Variants in CDC45 observed in about 807,000 individuals in gnomAD.
The protein encoded by CDC45 is cell division cycle 45.
In CDC45, 54 loss-of-function variants were observed where a neutral mutation model predicts 77.8. That is an observed-to-expected ratio of 0.69 (90% confidence interval 0.56 to 0.87). CDC45 has a LOEUF of 0.87. Among genes scored for constraint, CDC45 ranks in the 40% least tolerant of loss-of-function variants. CDC45 has a pLI of 0.00. For synonymous variants in CDC45, 260 were observed against 272.1 expected (o/e 0.96, Z 0.44); for missense variants, 649 against 721.6 (o/e 0.90, Z 1.15).
chr22:19,499,515 C>A (rs972023845), intron 9 of CDC45, among the ~76,000 whole-genome samples: 1 of 151,556 alleles, frequency 6.6e-6, no homozygotes, highest in East Asian at 1.9e-4. Context: ...AGGTTGGGGG[C>A]GGGATGAGAG....
At chr22:19,487,682 G>A (rs916953050) in intron 5 of CDC45, among the ~76,000 whole-genome samples, 6 of 152,172 alleles carry the variant, frequency 3.9e-5, no homozygotes, top group African/African-American at 1.4e-4. Flanking sequence ...GGGAGGCCGA[G>A]GTGGGTGGAT....
chr22:19,511,787 TG>T (rs1933526948), intron 13 of CDC45, among the ~76,000 whole-genome samples: 2 of 152,226 alleles, frequency 1.3e-5, no homozygotes, highest in South Asian at 4.1e-4. Flanking sequence ...CTTTTTCTTT[TG>T]TTTCTTGTGC....
intron 6 of CDC45, among the ~76,000 whole-genome samples, chr22:19,495,338 A>G (rs901728206): frequency 2.0e-5 from 3 of 152,232 alleles, no homozygotes; most frequent in African/African-American, 7.2e-5. Flanking sequence ...ATATTTTGCC[A>G]TTATAAATAA....
In CDC45 at chr22:19,482,720, GCT is replaced by G; in HGVS notation, c.236_237del (p.Ala79GlufsTer11). The G allele has an allele frequency of 6.2e-7, 1 of 1,612,864 alleles. No individual in the cohort carries two copies. Among genetic ancestry groups the G allele is most frequent in the East Asian group, 2.2e-5 (1 of 44,876 alleles). Reference protein sequence around the residue: ...FHYFILINCGANVDLLDILQP... With the variant: ...FHYFILINCGXNVDLLDILQP... ...TTATTTTATTCTCATAAACTGTGGA[GCT>G]AATGTAGACCTATTGGATATTCTTC... On this transcript the variant is annotated frameshift_variant, in exon 4 of 19. Transcript: ENST00000263201. LOFTEE classifies it high-confidence loss of function.
intron 5 of CDC45, among the ~76,000 whole-genome samples, chr22:19,486,902 T>G (rs1334170658): frequency 6.6e-6 from 1 of 152,118 alleles, no homozygotes; most frequent in Non-Finnish European, 1.5e-5. Flanking sequence ...GGTCTCGATC[T>G]CCTGACCTCA....
chr22:19,501,442 A>G (rs1482782394), intron 9 of CDC45, among the ~76,000 whole-genome samples: 6 of 152,166 alleles, frequency 3.9e-5, no homozygotes, highest in Non-Finnish European at 7.4e-5. Context: ...AGTTTTCTCC[A>G]TGCAACTGGC....
At chr22:19,518,182 C>T (rs1401111441) in intron 17 of CDC45, among the ~76,000 whole-genome samples, 3 of 152,200 alleles carry the variant, frequency 2.0e-5, no homozygotes, top group African/African-American at 4.8e-5. Flanking sequence ...AGGGAGGACT[C>T]GGGCTGGGAA....
intron 5 of CDC45, among the ~76,000 whole-genome samples, chr22:19,488,454 T>C (rs2090106539): frequency 1.3e-5 from 2 of 152,294 alleles, no homozygotes; most frequent in South Asian, 2.1e-4. Flanking sequence ...GGTCTCTCCA[T>C]TGAATGTGAC....
Position 19,505,386 on chromosome 22 carries a change from T to C in CDC45, c.729T>C (p.Gly243=). ...ITQMKYVTDV[G]VLQRHVSRHN... ...GAATGAAATACGTGACTGATGTTGGTGTCCTGCAGCGCCACGTTTCCCGCC... is the reference window on the plus strand; with the variant it reads ...GAATGAAATACGTGACTGATGTTGGCGTCCTGCAGCGCCACGTTTCCCGCC... The change falls in exon 10 of 19, where the codon GGT becomes GGC. Residue 243 remains glycine, a synonymous_variant. Coordinates refer to ENST00000263201, the MANE Select transcript of CDC45 (RefSeq NM_003504.5). The C allele has an allele frequency of 6.2e-7, 1 of 1,613,982 alleles. No individual in the cohort carries two copies. Among genetic ancestry groups the C allele is most frequent in the Non-Finnish European group, 8.5e-7 (1 of 1,179,988 alleles).
chr22:19,511,201 A>G (rs764953316), intron 13 of CDC45, among the ~76,000 whole-genome samples: 13 of 152,124 alleles, frequency 8.5e-5, no homozygotes, highest in African/African-American at 1.2e-4. Context: ...CCTAGTGAGT[A>G]TGAAGTGGTA....
At chr22:19,491,131 C>G (rs2090147516) in intron 5 of CDC45, among the ~76,000 whole-genome samples, 1 of 152,090 alleles carries the variant, frequency 6.6e-6, no homozygotes, top group African/African-American at 2.4e-5. Flanking sequence ...CTGGCCTTGT[C>G]TTCTCTTAAT....
chr22:19,500,645 C>T (rs1222494997), intron 9 of CDC45, among the ~76,000 whole-genome samples: 1 of 152,140 alleles, frequency 6.6e-6, no homozygotes, highest in East Asian at 1.9e-4. Context: ...GCAGTTTGTA[C>T]ACCCTGATGA....
rs1342169967 is a variant in CDC45 at position 19,510,065 on chromosome 22, A to G, written c.1217+1374A>G. 3.3e-5 allele frequency among the ~76,000 whole-genome samples: 5 copies of G among 152,134 alleles called. No individual in the cohort carries two copies. In the South Asian group the frequency reaches 6.2e-4, roughly 19 times the overall value. ...CAGCCTTGACCTCCCAGTCTCAAGC[A>G]ATCTTCCTACCTCAGCCTCTTGAGT... On this transcript the variant is annotated intron_variant, in intron 13 of 18. Transcript: ENST00000263201.
At position 19,516,634 on chromosome 22, in the gene CDC45, G is replaced by A. The variant is rs148557461; in HGVS notation, c.1548G>A (p.Ser516=). 1.7e-4 allele frequency: 272 copies of A among 1,613,518 alleles called. 1 individual carries two copies. In the Middle Eastern group the frequency reaches 2.1e-3, roughly 13 times the overall value. ...VVGIPPETDS[S]DRKNFFGRAF... ...GCATCCCCCCAGAGACCGACAGCTC[G>A]GACAGGAAGAAGTGAGCAGCTTCCA... Residue 516 remains serine (S), a synonymous_variant, in exon 16 of 19, where the codon TCG becomes TCA. Transcript: ENST00000263201.
upstream of CDC45, chr22:19,479,846 C>T: frequency 2.1e-6 from 2 of 957,266 alleles, no homozygotes; most frequent in South Asian, 2.6e-5. Context: ...AGGCTGGGAA[C>T]TAAGAAGCTA....
At chr22:19,480,246 G>T (rs376431394) in intron 2 of CDC45, 29 bp downstream of exon 2, 2 of 1,608,596 alleles carry the variant, frequency 1.2e-6, no homozygotes, top group African/African-American at 1.3e-5. Flanking sequence ...AGGAGGGCGG[G>T]GCCGGCGCGC....
At position 19,480,153 on chromosome 22, in the gene CDC45, G is replaced by A. The variant is rs373203909; in HGVS notation, c.52-5G>A. The A allele has an allele frequency of 2.5e-6, 4 of 1,613,922 alleles. No homozygotes were observed. The highest frequency in any genetic ancestry group is 3.4e-6 in the Non-Finnish European group (4 of 1,179,948). On this transcript the variant is annotated splice_polypyrimidine_tract_variant and splice_region_variant and intron_variant, in intron 1 of 18. Transcript: ENST00000263201. Reference sequence around the variant, plus strand: ...GTGTTCAGCCGGTCTGCTCTTCCCCGATAGAGGGTCCTTCTCTTCGTGGCC... The same window carrying A: ...GTGTTCAGCCGGTCTGCTCTTCCCCAATAGAGGGTCCTTCTCTTCGTGGCC...
chr22:19,507,708 T>G, intron 11 of CDC45, 58 bp from the exon 12 acceptor site: 1 of 1,446,586 alleles, frequency 6.9e-7, no homozygotes, highest in South Asian at 1.2e-5. Flanking sequence ...TTGGGTTTCT[T>G]TCCACCCTGT....
At chr22:19,515,436 C>T (rs1933730928) in intron 15 of CDC45, among the ~76,000 whole-genome samples, 1 of 152,150 alleles carries the variant, frequency 6.6e-6, no homozygotes, top group Admixed American at 6.6e-5. Flanking sequence ...GTGGCCTAAC[C>T]CCCTCTTTGC....
Sources: gnomAD v4.1 joint callset for allele counts (sites outside exome capture counted in the v4.1 genomes callset) on GRCh38, gnomAD v4.1.1 for gene constraint, MANE v1.5 for transcripts, NCBI Gene and HGNC (gene_info 2026-07-23, HGNC 2026-07-21) for gene names.